MMP2: variants seen among roughly 807,000 people sequenced by gnomAD.
MMP2 encodes the protein 72 kDa type IV collagenase.
Under a neutral mutation model 74.8 loss-of-function variants are expected in MMP2, and 39 were observed. The ratio of observed to expected loss-of-function variants is 0.52; its 90% CI spans 0.40 to 0.68. The LOEUF (loss-of-function observed/expected upper bound fraction) is 0.68, where lower values mean the gene tolerates loss of function less well. MMP2 is among the 30% of genes least tolerant of loss of function. The pLI, the probability that MMP2 is intolerant of heterozygous loss-of-function variation, is 0.00. For missense variants in MMP2, 803 were observed against 878.3 expected, an observed-to-expected ratio of 0.91 and a Z score of 1.08; for synonymous variants, 367 against 339.8, an observed-to-expected ratio of 1.08 and a Z score of -0.88.
intron 11 of MMP2, among the ~76,000 whole-genome samples, chr16:55,500,104 G>T (rs1290445227): frequency 6.6e-6 from 1 of 151,416 alleles, no homozygotes; most frequent in Non-Finnish European, 1.5e-5. Context: ...CAGACATATT[G>T]CTAAGACACT....
chr16:55,493,419 A>G, intron 9 of MMP2, 126 bp downstream of exon 9: 1 of 1,327,378 alleles, frequency 7.5e-7, no homozygotes, highest in Non-Finnish European at 1.1e-6. Context: ...TGAATTAGGC[A>G]GTTTCTGCTG....
rs375009401 is a variant in MMP2 at position 55,493,668 on chromosome 16, C to G, written c.1472+375C>G. Reference sequence around the variant, plus strand: ...CACTCACATCTTGTCTGAGAATATTCCACTGCCTGAAATAAGTCACATGGC... The same window carrying G: ...CACTCACATCTTGTCTGAGAATATTGCACTGCCTGAAATAAGTCACATGGC... On this transcript the variant is annotated intron_variant, in intron 9 of 12. Coordinates refer to ENST00000219070, the MANE Select transcript of MMP2 (RefSeq NM_004530.6). 6.6e-5 allele frequency among the ~76,000 whole-genome samples: 10 copies of G among 152,192 alleles called. No homozygotes were observed. The East Asian group carries it at 1.3e-3, about 21-fold the overall frequency.
At chr16:55,505,098 T>C (rs1962765696) in intron 12 of MMP2, among the ~76,000 whole-genome samples, 2 of 152,018 alleles carry the variant, frequency 1.3e-5, no homozygotes, top group African/African-American at 2.4e-5. Context: ...ACTACAGGAA[T>C]GTACCACTAT....
intron 6 of MMP2, 117 bp downstream of exon 6, chr16:55,488,833 C>A: frequency 9.0e-7 from 1 of 1,108,030 alleles, no homozygotes; most frequent in Non-Finnish European, 1.3e-6. Flanking sequence ...GCTAAGACAT[C>A]TGTGCGAATG....
chr16:55,492,368 A>G (rs557733156), intron 8 of MMP2, among the ~76,000 whole-genome samples: 206 of 152,290 alleles, frequency 1.4e-3, no homozygotes, highest in African/African-American at 4.8e-3. Flanking sequence ...TCTAGTTTTC[A>G]TAATAAGCTT....
chr16:55,500,570 A>G (rs1240286718), intron 11 of MMP2, among the ~76,000 whole-genome samples: 2 of 145,680 alleles, frequency 1.4e-5, no homozygotes, highest in Admixed American at 6.9e-5. Context: ...GCCTTGCTGG[A>G]TTTCCAGGCA....
rs747226416 is a variant in MMP2, at chr16:55,493,193, A to G, written c.1372A>G (p.Thr458Ala). ...TGACATTGACCTTGGCACCGGCCCCACCCCCACGCTGGGCCCTGTCACTCC... is the reference window on the plus strand; with the variant it reads ...TGACATTGACCTTGGCACCGGCCCCGCCCCCACGCTGGGCCCTGTCACTCC... ...SPDIDLGTGP[T>A]PTLGPVTPEI... The change falls in exon 9 of 13, where the codon ACC (threonine) becomes GCC (alanine). Residue 458 changes from threonine to alanine, a missense_variant. By Grantham distance (58) the Thr-to-Ala change is moderately conservative. Transcript: ENST00000219070. 1.9e-6 allele frequency: 3 copies of G among 1,613,776 alleles called. No individual in the cohort carries two copies. Among genetic ancestry groups the G allele is most frequent in the Non-Finnish European group, 2.5e-6 (3 of 1,179,966 alleles).
At chr16:55,498,547 G>C in intron 11 of MMP2, 99 bp downstream of exon 11, 1 of 1,510,532 alleles carries the variant, frequency 6.6e-7, no homozygotes. Flanking sequence ...TTCAGAGGTT[G>C]GTGGGCTCTG....
chr16:55,484,117 G>T lies in MMP2; in HGVS notation c.482G>T (p.Arg161Leu), dbSNP rs773564814. The change falls in exon 3 of 13, where the codon CGA (arginine) becomes CTA (leucine). Residue 161 changes from arginine to leucine, a missense_variant. Arg to Leu is a moderately radical substitution (Grantham distance 102). Around this residue, in one of 3 missense-constraint regions of MMP2, gnomAD observed 223 missense variants for 232.8 expected, o/e 0.96. Transcript: ENST00000219070. The part of the protein sequence containing the change: ...WSDVTPLRFS[R>L]IHDGEADIMI... ...GATGTGACCCCACTGCGGTTTTCTCGAATCCATGATGGAGAGGCAGACATC... is the reference window on the plus strand; with the variant it reads ...GATGTGACCCCACTGCGGTTTTCTCTAATCCATGATGGAGAGGCAGACATC... 2.5e-6 allele frequency: 4 copies of T among 1,614,180 alleles called. No homozygotes were observed. The highest frequency in any genetic ancestry group is 2.5e-6 in the Non-Finnish European group (3 of 1,180,046).
Position 55,488,535 on chromosome 16 carries a change from A to G in MMP2, c.833-8A>G. The G allele has an allele frequency of 6.2e-7, 1 of 1,613,008 alleles. No homozygotes were observed. Among genetic ancestry groups the G allele is most frequent in the Non-Finnish European group, 8.5e-7 (1 of 1,179,688 alleles). On this transcript the variant is annotated splice_region_variant and splice_polypyrimidine_tract_variant and intron_variant, in intron 5 of 12. Coordinates refer to ENST00000219070, the MANE Select transcript of MMP2 (RefSeq NM_004530.6). ...ATTCACATCCTTCCCTCTCTCCCCC[A>G]CCCTTAGCCCTGTTCACCATGGGCG...
chr16:55,502,179 A>G (rs1020409861), intron 11 of MMP2, among the ~76,000 whole-genome samples: 2 of 152,124 alleles, frequency 1.3e-5, no homozygotes, highest in African/African-American at 2.4e-5. Flanking sequence ...AGCCATGGTC[A>G]TCTCCCAGGG....
rs17859884 is a variant in MMP2 at position 55,485,139 on chromosome 16, C to G, written c.530-160C>G. On this transcript the variant is annotated intron_variant, in intron 3 of 12. Transcript: ENST00000219070. The stretch of plus-strand genomic sequence containing the variant: ...GATGGTAACAACCAGGTCAGCAGAT[C>G]TCTACTGAGCTCCTGTTGACAGTCC... Among the ~76,000 whole-genome samples, 712 of 152,184 alleles carry G rather than the reference C, an allele frequency of 4.7e-3. 5 individuals carry two copies. Among genetic ancestry groups the G allele is most frequent in the African/African-American group, 0.016 (650 of 41,506 alleles).
chr16:55,479,523 G>A lies in MMP2; in HGVS notation c.44G>A (p.Arg15Lys), dbSNP rs1178356898. ...CGGGGCGCGCTCACGGGTCCCCTGAGGGCGCTCTGTCTCCTGGGCTGCCTG... is the reference window on the plus strand; with the variant it reads ...CGGGGCGCGCTCACGGGTCCCCTGAAGGCGCTCTGTCTCCTGGGCTGCCTG... ...MARGALTGPL[R>K]ALCLLGCLLS... The change falls in exon 1 of 13, where the codon AGG becomes AAG. Residue 15 changes from arginine (R) to lysine (K), a missense_variant. Coordinates refer to ENST00000219070, the MANE Select transcript of MMP2 (RefSeq NM_004530.6). The A allele has an allele frequency of 6.2e-7, 1 of 1,606,538 alleles. No homozygotes were observed. The highest frequency in any genetic ancestry group is 1.3e-5 in the African/African-American group (1 of 74,910).
At chr16:55,481,755 A>C (rs2142342472) in intron 1 of MMP2, 1 of 702,002 alleles carries the variant, frequency 1.4e-6, no homozygotes, top group Non-Finnish European at 2.7e-6. Flanking sequence ...GAGTGCATGA[A>C]CCAACCAGCT....
Position 55,491,794 on chromosome 16 carries a change from C to T in MMP2, c.1181-7C>T. ...TTTCAACCCTCTCTCCTCCCTGCAA[C>T]CCTCAGGGTACAGCCTGTTCCTCGT... On this transcript the variant is annotated splice_polypyrimidine_tract_variant and splice_region_variant and intron_variant, in intron 7 of 12. Transcript: ENST00000219070. 3 of 1,614,220 alleles carry T rather than the reference C, an allele frequency of 1.9e-6. No individual in the cohort carries two copies. Among genetic ancestry groups the T allele is most frequent in the Non-Finnish European group, 2.5e-6 (3 of 1,180,026 alleles).
In MMP2 at chr16:55,479,309, C is replaced by A. The variant is rs959402065; in HGVS notation, c.-171C>A. 4.4e-6 allele frequency: 3 copies of A among 686,598 alleles called. No individual in the cohort carries two copies. Among genetic ancestry groups the A allele is most frequent in the Admixed American group, 4.6e-5 (1 of 21,738 alleles). 42.5% of individuals were successfully genotyped at this position (686,598 alleles called of 1,614,324 possible). A position where few individuals can be genotyped will look rare whatever the true frequency, so the allele number is the denominator to read the frequency against. On this transcript the variant is annotated 5_prime_UTR_variant, in exon 1 of 13. Coordinates refer to ENST00000219070, the MANE Select transcript of MMP2 (RefSeq NM_004530.6). Reference sequence around the variant, plus strand: ...GCGGCGGCGGCGGCGGGGGCTGGGGCGCGGGGGCCGGACCATGAGCCGCTG... The same window carrying A: ...GCGGCGGCGGCGGCGGGGGCTGGGGAGCGGGGGCCGGACCATGAGCCGCTG...
rs1303046434 is a variant in MMP2, at chr16:55,493,430, T to C, written c.1472+137T>C. The C allele has an allele frequency of 1.6e-5, 19 of 1,219,758 alleles. No homozygotes were observed. In the African/African-American group the frequency reaches 2.5e-4, roughly 16 times the overall value. The allele number at this position is 1,219,758 out of a possible 1,614,324, so 75.6% of individuals were successfully genotyped here. A position where few individuals can be genotyped will look rare whatever the true frequency, so the allele number is the denominator to read the frequency against. On this transcript the variant is annotated intron_variant, in intron 9 of 12. Coordinates refer to ENST00000219070, the MANE Select transcript of MMP2 (RefSeq NM_004530.6). ...GACCTGAATTAGGCAGTTTCTGCTG[T>C]GTATCAAACAACCTCCAGGTTTCAG...
intron 9 of MMP2, among the ~76,000 whole-genome samples, chr16:55,496,172 A>T (rs1359504596): frequency 1.3e-5 from 2 of 152,046 alleles, no homozygotes; most frequent in African/African-American, 2.4e-5. Context: ...CTCTGTAAGG[A>T]CCCAATCATT....
At position 55,485,600 on chromosome 16, in the gene MMP2, T is replaced by G. The variant is rs747677069; in HGVS notation, c.659-4T>G. The stretch of plus-strand genomic sequence containing the variant: ...CAACCTCCCCCTTCCATGTCACTCT[T>G]TAGTGGTCCGTGTGAAGTATGGGAA... On this transcript the variant is annotated splice_region_variant and splice_polypyrimidine_tract_variant and intron_variant, in intron 4 of 12. Coordinates refer to ENST00000219070, the MANE Select transcript of MMP2 (RefSeq NM_004530.6). 4 of 1,614,100 alleles carry G rather than the reference T, an allele frequency of 2.5e-6. No homozygotes were observed. In the Admixed American group the frequency reaches 5.0e-5, roughly 20 times the overall value.
Sources: gnomAD v4.1 joint callset for allele counts (sites outside exome capture counted in the v4.1 genomes callset) on GRCh38, gnomAD v4.1.1 for gene constraint, gnomAD v4.1.1 regional missense constraint, MANE v1.5 for transcripts, NCBI Gene and HGNC (gene_info 2026-07-23, HGNC 2026-07-21) for gene names.